Variants in PAK5 observed in about 807,000 individuals in gnomAD.
The protein encoded by PAK5 is p21 (RAC1) activated kinase 5.
Under a neutral mutation model 65.9 loss-of-function variants are expected in PAK5, and 16 were observed. The ratio of observed to expected loss-of-function variants is 0.24; its 90% CI spans 0.16 to 0.37. The LOEUF is 0.37. Ranked by LOEUF, PAK5 falls within the 10% of genes least tolerant of loss-of-function variation. The pLI, the probability that PAK5 is intolerant of heterozygous loss-of-function variation, is 1.00. For synonymous variants in PAK5, 371 were observed against 354.9 expected (o/e 1.05, Z -0.51); for missense variants, 785 against 903.9 (o/e 0.87, Z 1.69).
intron 3 of PAK5, among the ~76,000 whole-genome samples, chr20:9,632,636 G>A (rs745406290): frequency 1.3e-5 from 2 of 152,156 alleles, no homozygotes; most frequent in Non-Finnish European, 2.9e-5. Context: ...CTAAATCTGG[G>A]ATTTCTACAT....
At chr20:9,658,442 C>A (rs1268017068) in intron 2 of PAK5, among the ~76,000 whole-genome samples, 1 of 152,144 alleles carries the variant, frequency 6.6e-6, no homozygotes. Context: ...AGAAGAAATA[C>A]CTCCTAAGAC....
chr20:9,768,641 G>T (rs1395733205), intron 1 of PAK5, among the ~76,000 whole-genome samples: 2 of 151,818 alleles, frequency 1.3e-5, no homozygotes, highest in Admixed American at 1.3e-4. Context: ...AAATTATACG[G>T]GTATGGTGGC....
At chr20:9,825,163 A>T (rs543898873) in intron 1 of PAK5, among the ~76,000 whole-genome samples, 1 of 152,338 alleles carries the variant, frequency 6.6e-6, no homozygotes, top group East Asian at 1.9e-4. Flanking sequence ...TTTGTAGAAA[A>T]GAAAATTCTT....
intron 1 of PAK5, among the ~76,000 whole-genome samples, chr20:9,792,917 C>T (rs144384740): frequency 1.6e-3 from 251 of 152,232 alleles, no homozygotes; most frequent in African/African-American, 5.8e-3. Context: ...GGCAGGCAGA[C>T]AGGCAGGCAA....
chr20:9,614,201 T>C (rs767742822), intron 3 of PAK5, among the ~76,000 whole-genome samples: 3 of 151,996 alleles, frequency 2.0e-5, no homozygotes, highest in African/African-American at 7.3e-5. Context: ...CACTAACAAA[T>C]GAAGGATGCT....
At chr20:9,544,519 A>G (rs779353630) in intron 7 of PAK5, 25 bp from the exon 8 acceptor site, 2 of 1,610,714 alleles carry the variant, frequency 1.2e-6, no homozygotes, top group Non-Finnish European at 1.7e-6. Flanking sequence ...AATGCAACAA[A>G]CTAGCAATTT....
chr20:9,760,451 T>C (rs2048685641), intron 1 of PAK5, among the ~76,000 whole-genome samples: 3 of 151,988 alleles, frequency 2.0e-5, no homozygotes, highest in Non-Finnish European at 1.5e-5. Context: ...CCCATTTGGA[T>C]AGGGACTCAT....
At chr20:9,721,568 G>A (rs2048213700) in intron 1 of PAK5, among the ~76,000 whole-genome samples, 2 of 139,940 alleles carry the variant, frequency 1.4e-5, no homozygotes, top group African/African-American at 2.7e-5. Flanking sequence ...CAGGAAAATC[G>A]CTTGAACCCG....
chr20:9,675,934 T>C (rs1057241278), intron 2 of PAK5, among the ~76,000 whole-genome samples: 6 of 152,160 alleles, frequency 3.9e-5, no homozygotes, highest in Non-Finnish European at 8.8e-5. Context: ...TGTAAATTGG[T>C]AAAGTAAGGC....
chr20:9,829,310 G>C (rs1387825731), intron 1 of PAK5, among the ~76,000 whole-genome samples: 1 of 152,176 alleles, frequency 6.6e-6, no homozygotes, highest in Non-Finnish European at 1.5e-5. Context: ...TTAATCTAGT[G>C]ACTTTTAAAT....
At chr20:9,605,785 C>T (rs1245309969) in intron 3 of PAK5, among the ~76,000 whole-genome samples, 2 of 152,062 alleles carry the variant, frequency 1.3e-5, no homozygotes. Context: ...AAAAAATCAG[C>T]CGGGTGTGGT....
chr20:9,796,676 C>A lies in PAK5; in HGVS notation c.-162+42086G>T, dbSNP rs560311563. Among the ~76,000 whole-genome samples, 7 of 152,124 alleles carry A rather than the reference C, an allele frequency of 4.6e-5. No individual in the cohort carries two copies. The South Asian group carries it at 6.2e-4, about 14-fold the overall frequency. On this transcript the variant is annotated intron_variant, in intron 1 of 9. Transcript: ENST00000353224. ...CAGCAAGGAAAGTTGTTGGGGTTAT[C>A]ACAGGAAACAGGCAAGTGACAGTGG...
intron 3 of PAK5, among the ~76,000 whole-genome samples, chr20:9,629,292 A>G (rs536090331): frequency 6.6e-6 from 1 of 152,322 alleles, no homozygotes; most frequent in Admixed American, 6.5e-5. Context: ...ACATAGCAAT[A>G]GAAAACTAGT....
chr20:9,683,173 AC>A (rs1360773581), intron 2 of PAK5, among the ~76,000 whole-genome samples: 2 of 152,272 alleles, frequency 1.3e-5, no homozygotes, highest in Non-Finnish European at 2.9e-5. Context: ...ATTTCTATTT[AC>A]CCAAAAATAT....
chr20:9,625,537 T>G (rs1347092698), intron 3 of PAK5, among the ~76,000 whole-genome samples: 1 of 152,246 alleles, frequency 6.6e-6, no homozygotes, highest in Non-Finnish European at 1.5e-5. Context: ...TTTTTGAATT[T>G]CACAATGATT....
chr20:9,726,916 C>A (rs936396209), intron 1 of PAK5, among the ~76,000 whole-genome samples: 2 of 152,150 alleles, frequency 1.3e-5, no homozygotes, highest in Non-Finnish European at 2.9e-5. Flanking sequence ...ATGATTAATT[C>A]AACAGAATAG....
intron 2 of PAK5, among the ~76,000 whole-genome samples, chr20:9,669,135 C>G (rs1408450622): frequency 6.6e-6 from 1 of 152,140 alleles, no homozygotes; most frequent in Admixed American, 6.6e-5. Flanking sequence ...TGTAACACAT[C>G]TTTTAAGACA....
chr20:9,680,856 G>A (rs1220474712), intron 2 of PAK5, among the ~76,000 whole-genome samples: 1 of 152,192 alleles, frequency 6.6e-6, no homozygotes, highest in Non-Finnish European at 1.5e-5. Flanking sequence ...TAGGATCAGC[G>A]TTAGCAAATA....
At chr20:9,582,202 C>T (rs767889678) in intron 3 of PAK5, among the ~76,000 whole-genome samples, 1 of 152,142 alleles carries the variant, frequency 6.6e-6, no homozygotes, top group Non-Finnish European at 1.5e-5. Context: ...CTCCATGTTC[C>T]TATAGATTTC....
Sources: gnomAD v4.1 joint callset for allele counts (sites outside exome capture counted in the v4.1 genomes callset) on GRCh38, gnomAD v4.1.1 for gene constraint, MANE v1.5 for transcripts, NCBI Gene and HGNC (gene_info 2026-07-23, HGNC 2026-07-21) for gene names.